Variants in PALB2 observed in about 807,000 individuals in gnomAD.
PALB2 encodes mutant partner and localizer of BRCA2.
Under a neutral mutation model 107.4 loss-of-function variants are expected in PALB2, and 82 were observed. That is an observed-to-expected ratio of 0.76 (90% CI 0.64 to 0.92). The LOEUF is 0.92. PALB2 is among the 40% of genes least tolerant of loss of function. The pLI is 0.00. For missense variants in PALB2, 1,374 were observed against 1,379.9 expected (o/e 1.00, Z 0.07); for synonymous variants, 489 against 496.8 (o/e 0.98, Z 0.21).
At chr16:23,637,171 C>T (rs1454708825) in intron 3 of PALB2, among the ~76,000 whole-genome samples, 4 of 152,044 alleles carry the variant, frequency 2.6e-5, no homozygotes, top group Non-Finnish European at 5.9e-5. Context: ...TTGCTTGAAC[C>T]CAGGAGGTGG....
intron 3 of PALB2, 71 bp from the exon 4 acceptor site, chr16:23,636,405 C>A (rs2142449158): frequency 9.8e-7 from 1 of 1,016,794 alleles, no homozygotes; most frequent in Non-Finnish European, 1.4e-6. Context: ...TCATTTTTAA[C>A]CTATTATATA....
chr16:23,614,949 C>CT (rs1288431746), intron 10 of PALB2, among the ~76,000 whole-genome samples: 1,220 of 104,666 alleles, frequency 0.012, 14 homozygotes, highest in African/African-American at 0.022. Context: ...CGCGCCTGGC[C>CT]TTTTTTTTTT....
intron 1 of PALB2, chr16:23,640,120 A>G: frequency 6.1e-6 from 1 of 164,382 alleles, no homozygotes; most frequent in East Asian, 1.3e-4. Flanking sequence ...TCAAACTCTG[A>G]GCTCAAGCGA....
intron 6 of PALB2, among the ~76,000 whole-genome samples, chr16:23,626,925 A>G (rs1050459782): frequency 6.6e-6 from 1 of 151,876 alleles, no homozygotes; most frequent in African/African-American, 2.4e-5. Flanking sequence ...CCGGCCCATG[A>G]AAGATTTTAA....
rs749443090 is a variant in PALB2, at chr16:23,637,855, T to A, written c.206A>T (p.His69Leu). 6.2e-7 allele frequency: 1 copy of A among 1,608,834 alleles called. No individual in the cohort carries two copies. Among genetic ancestry groups the A allele is most frequent in the Non-Finnish European group, 8.5e-7 (1 of 1,175,332 alleles). Residue 69 changes from histidine (H) to leucine (L), a missense_variant, in exon 3 of 13, where the codon CAC (histidine) becomes CTC (leucine). By Grantham distance (99) the His-to-Leu change is moderately conservative. Transcript: ENST00000261584. ...AGTGAATGGTCTAGATTTACCTGAG[T>A]GTTTTAGCTGCGGTGAGAGATCCTG... Reference protein sequence around the residue: ...SQQDLSPQLKHSEPKNKICVY... With the variant: ...SQQDLSPQLKLSEPKNKICVY...
chr16:23,607,841 G>A (rs1407574786), intron 12 of PALB2, 23 bp downstream of exon 12: 1 of 1,613,226 alleles, frequency 6.2e-7, no homozygotes, highest in South Asian at 1.1e-5. Flanking sequence ...CCCACCCATA[G>A]AGTAGCAGTT....
At chr16:23,605,469 C>T (rs772176415) in intron 12 of PALB2, among the ~76,000 whole-genome samples, 6 of 152,242 alleles carry the variant, frequency 3.9e-5, no homozygotes, top group African/African-American at 7.2e-5. Flanking sequence ...AGTGCAATGG[C>T]GAGATCTCAG....
intron 12 of PALB2, among the ~76,000 whole-genome samples, chr16:23,606,821 CTT>C (rs545664784): frequency 3.7e-5 from 4 of 108,574 alleles, no homozygotes; most frequent in Admixed American, 1.0e-4. Context: ...CTGCACCCTG[CTT>C]TTTTTTTTTT....
In PALB2 at chr16:23,608,043, T is replaced by A. The variant is rs1250654489; in HGVS notation, c.3202-31A>T. ...TTCGGAGAAAAATAAATATCCCAAA[T>A]AGACTGTCAAGAGTATGTCAGGAAA... On this transcript the variant is annotated intron_variant, in intron 11 of 12. Coordinates refer to ENST00000261584, the MANE Select transcript of PALB2 (RefSeq NM_024675.4). 3 of 1,604,258 alleles carry A rather than the reference T, an allele frequency of 1.9e-6. No individual in the cohort carries two copies. The South Asian group carries it at 3.3e-5, about 18-fold the overall frequency.
At chr16:23,604,505 G>A (rs554981733) in intron 12 of PALB2, among the ~76,000 whole-genome samples, 55 of 152,246 alleles carry the variant, frequency 3.6e-4, no homozygotes, top group Non-Finnish European at 6.8e-4. Flanking sequence ...GGTGGCTCAC[G>A]CCTGTAATCC....
Position 23,635,308 on chromosome 16 carries a change from G to C in PALB2, c.1238C>G (p.Thr413Arg), listed in dbSNP as rs876660213. 2 of 1,614,066 alleles carry C rather than the reference G, an allele frequency of 1.2e-6. No homozygotes were observed. The highest frequency in any genetic ancestry group is 1.7e-6 in the Non-Finnish European group (2 of 1,180,010). The change falls in exon 4 of 13, where the codon ACA (threonine) becomes AGA (arginine). Residue 413 changes from threonine (T) to arginine (R), a missense_variant. By Grantham distance (71) the Thr-to-Arg change is moderately conservative (BLOSUM62 -1). Transcript: ENST00000261584. Reference sequence around the variant, plus strand: ...CCTCTGGCAATTGGACATGCTTCGTGTTGTTCTAACATAATATTCTGCAGG... The same window carrying C: ...CCTCTGGCAATTGGACATGCTTCGTCTTGTTCTAACATAATATTCTGCAGG... Reference protein sequence around the residue: ...LFPAEYYVRTTRSMSNCQRKV... With the variant: ...LFPAEYYVRTRRSMSNCQRKV...
rs979679839 is a variant in PALB2 at position 23,603,354 on chromosome 16, A to G, written c.*105T>C. 3.2e-6 allele frequency: 3 copies of G among 926,262 alleles called. No individual in the cohort carries two copies. The highest frequency in any genetic ancestry group is 2.0e-5 in the Admixed American group (1 of 51,230). The allele number at this position is 926,262 out of a possible 1,614,324, so 57.4% of individuals were successfully genotyped here. A position where few individuals can be genotyped will look rare whatever the true frequency, so the allele number is the denominator to read the frequency against. On this transcript the variant is annotated 3_prime_UTR_variant, in exon 13 of 13. Coordinates refer to ENST00000261584, the MANE Select transcript of PALB2 (RefSeq NM_024675.4). ...TAAGTCTGTCTGGACATAAACAAGC[A>G]ATCATTTTAAGTGTCATTCAGATAT...
chr16:23,604,792 G>T (rs544919584), intron 12 of PALB2, among the ~76,000 whole-genome samples: 1 of 143,706 alleles, frequency 7.0e-6, no homozygotes, highest in Admixed American at 7.1e-5. Flanking sequence ...CTGTTATTGT[G>T]GCCAGGCCTG....
intron 1 of PALB2, chr16:23,638,550 G>C (rs1967123113): frequency 2.2e-6 from 1 of 458,692 alleles, no homozygotes; most frequent in African/African-American, 2.0e-5. Flanking sequence ...CTCAACAAAT[G>C]AATCTTCTAT....
At chr16:23,634,447 C>A (rs897758710) in intron 4 of PALB2, among the ~76,000 whole-genome samples, 1 of 151,938 alleles carries the variant, frequency 6.6e-6, no homozygotes, top group Non-Finnish European at 1.5e-5. Flanking sequence ...GCCAGGAGTT[C>A]AAGATCAGCC....
At position 23,641,283 on chromosome 16, in the gene PALB2, A is replaced by T; in HGVS notation, c.-126T>A. The T allele has an allele frequency of 1.6e-6, 2 of 1,286,998 alleles. No individual in the cohort carries two copies. The highest frequency in any genetic ancestry group is 1.1e-6 in the Non-Finnish European group (1 of 916,526). The allele number at this position is 1,286,998 out of a possible 1,614,324, so 79.7% of individuals were successfully genotyped here. On this transcript the variant is annotated 5_prime_UTR_variant, in exon 1 of 13. Transcript: ENST00000261584. ...ATGGGGAGCCCGGGATCGCACCCTC[A>T]GTGCGCGATCAGCTGACCCACGCGG...
chr16:23,611,311 T>G lies in PALB2; in HGVS notation c.3201+2693A>C, dbSNP rs533816349. Among the ~76,000 whole-genome samples, 14 of 151,892 alleles carry G rather than the reference T, an allele frequency of 9.2e-5. No homozygotes were observed. The South Asian group carries it at 2.5e-3, about 27-fold the overall frequency. On this transcript the variant is annotated intron_variant, in intron 11 of 12. Transcript: ENST00000261584. The stretch of plus-strand genomic sequence containing the variant: ...AGCACCTGCCACCATGCCCAGCTAA[T>G]TTTTGTATTTTTTAGTAGAGACAGG...
At chr16:23,634,776 AAAAG>A in intron 4 of PALB2, 82 bp downstream of exon 4, 1 of 1,527,268 alleles carries the variant, frequency 6.5e-7, no homozygotes, top group Non-Finnish European at 8.8e-7. Flanking sequence ...CACTTTTTAG[AAAAG>A]AAAGAAAAGG....
intron 7 of PALB2, among the ~76,000 whole-genome samples, chr16:23,624,793 G>T (rs12932048): frequency 1.4e-4 from 22 of 152,308 alleles, no homozygotes; most frequent in Non-Finnish European, 2.5e-4. Context: ...TTACAGGCGT[G>T]AGCCACCTCG....
Sources: gnomAD v4.1 joint callset for allele counts (sites outside exome capture counted in the v4.1 genomes callset) on GRCh38, gnomAD v4.1.1 for gene constraint, MANE v1.5 for transcripts, NCBI Gene and HGNC (gene_info 2026-07-23, HGNC 2026-07-21) for gene names.